The following INPP4B variants were observed in gnomAD, a reference collection of about 807,000 sequenced individuals.
INPP4B encodes inositol polyphosphate-4-phosphatase type II B.
Under a neutral mutation model 122.5 loss-of-function variants are expected in INPP4B, and 55 were observed. That is an observed-to-expected ratio of 0.45 (90% confidence interval 0.36 to 0.56). INPP4B has a LOEUF of 0.56. Ranked by LOEUF, INPP4B falls within the 20% of genes least tolerant of loss-of-function variation. The probability of loss-of-function intolerance (pLI) is 0.00; values close to 1 mark genes in which losing one functional copy is unlikely to be tolerated. For missense variants in INPP4B, 1,000 were observed against 1,097.7 expected (o/e 0.91, Z 1.26); for synonymous variants, 403 against 388.7 (o/e 1.04, Z -0.43).
intron 16 of INPP4B, among the ~76,000 whole-genome samples, chr4:142,167,409 G>A (rs998541763): frequency 6.6e-6 from 1 of 151,824 alleles, no homozygotes; most frequent in Non-Finnish European, 1.5e-5. Flanking sequence ...GTATGGTAGG[G>A]AGGGAGAGTA....
rs763766502 is a variant in INPP4B, at chr4:142,450,985, A to C, written c.-127+11678T>G. Reference sequence around the variant, plus strand: ...ATTCTTAAAATTAACTCCCCCCCCCAAAAAAAGTATAACCTATCAATGTAG... The same window carrying C: ...ATTCTTAAAATTAACTCCCCCCCCCCAAAAAAGTATAACCTATCAATGTAG... On this transcript the variant is annotated intron_variant, in intron 3 of 25. Transcript: ENST00000262992. 7.3e-4 allele frequency among the ~76,000 whole-genome samples: 93 copies of C among 127,732 alleles called. 1 individual carries two copies. Among genetic ancestry groups the C allele is most frequent in the Non-Finnish European group, 8.7e-4 (55 of 63,004 alleles). The allele number at this position is 127,732 out of a possible 152,430, so 83.8% of individuals were successfully genotyped here.
chr4:142,671,456 A>T (rs958982388), intron 2 of INPP4B, among the ~76,000 whole-genome samples: 7 of 152,054 alleles, frequency 4.6e-5, no homozygotes, highest in Non-Finnish European at 8.8e-5. Flanking sequence ...TTGCTCTTAC[A>T]ATGCTTTTTC....
intron 25 of INPP4B, among the ~76,000 whole-genome samples, chr4:142,068,636 G>T (rs1049374334): frequency 1.3e-5 from 2 of 152,078 alleles, no homozygotes; most frequent in African/African-American, 2.4e-5. Context: ...GATGGAGAAA[G>T]ATCTACCAAG....
At chr4:142,777,368 G>A (rs544591960) in intron 1 of INPP4B, among the ~76,000 whole-genome samples, 1 of 152,288 alleles carries the variant, frequency 6.6e-6, no homozygotes, top group South Asian at 2.1e-4. Context: ...AACTGCCTAT[G>A]GAGAGAGGAG....
intron 25 of INPP4B, among the ~76,000 whole-genome samples, chr4:142,067,928 C>G (rs1764577466): frequency 6.6e-6 from 1 of 152,130 alleles, no homozygotes; most frequent in South Asian, 2.1e-4. Context: ...TCCAGGAGAA[C>G]TTCCCCAACA....
chr4:142,840,179 C>G (rs967598864), intron 1 of INPP4B, among the ~76,000 whole-genome samples: 3 of 152,074 alleles, frequency 2.0e-5, no homozygotes, highest in Non-Finnish European at 4.4e-5. Context: ...GTGACCGGGT[C>G]ATCACTATAA....
At chr4:142,770,489 G>T (rs1772879495) in intron 1 of INPP4B, among the ~76,000 whole-genome samples, 2 of 152,022 alleles carry the variant, frequency 1.3e-5, no homozygotes, top group South Asian at 4.2e-4. Context: ...ACTGGCACCA[G>T]GAGCATCAAA....
intron 2 of INPP4B, among the ~76,000 whole-genome samples, chr4:142,723,017 T>C (rs1229885733): frequency 1.9e-5 from 2 of 102,786 alleles, no homozygotes; most frequent in Non-Finnish European, 4.0e-5. Context: ...ATCACATCTG[T>C]ATCATTTCCT....
chr4:142,412,216 A>C (rs1035182763), intron 5 of INPP4B, among the ~76,000 whole-genome samples: 5 of 152,330 alleles, frequency 3.3e-5, no homozygotes, highest in African/African-American at 1.2e-4. Flanking sequence ...CAGTGATTAC[A>C]TCTAGATTAA....
At chr4:142,836,535 G>A (rs1318360985) in intron 1 of INPP4B, among the ~76,000 whole-genome samples, 2 of 151,850 alleles carry the variant, frequency 1.3e-5, no homozygotes, top group African/African-American at 2.4e-5. Context: ...TTGGAAAAAC[G>A]CTTAACTATT....
chr4:142,367,212 G>A (rs1787875333), intron 7 of INPP4B, among the ~76,000 whole-genome samples: 1 of 151,770 alleles, frequency 6.6e-6, no homozygotes, highest in African/African-American at 2.4e-5. Context: ...GTGTGTGTGT[G>A]TGTGTGTGTG....
chr4:142,263,639 AATATATATATATATAT>A lies in INPP4B; in HGVS notation c.616-3091_616-3076del, dbSNP rs36227189. ...GACCACAAATGAGATAAATTCGTAAAATATATATATATATATATATATATATATATATATATATATA... is the reference window on the plus strand; with the variant it reads ...GACCACAAATGAGATAAATTCGTAAAATATATATATATATATATATATATA... On this transcript the variant is annotated intron_variant, in intron 10 of 25. Coordinates refer to ENST00000262992, the MANE Select transcript of INPP4B (RefSeq NM_001101669.3). Among the ~76,000 whole-genome samples the A allele has an allele frequency of 2.1e-3, 86 of 41,836 alleles. 2 individuals are homozygous for A. The highest frequency in any genetic ancestry group is 6.1e-3 in the Admixed American group (26 of 4,248). The allele number at this position is 41,836 out of a possible 152,430, so 27.4% of individuals were successfully genotyped here.
At chr4:142,225,297 C>G (rs1260894082) in intron 12 of INPP4B, among the ~76,000 whole-genome samples, 2 of 152,046 alleles carry the variant, frequency 1.3e-5, no homozygotes, top group Admixed American at 6.6e-5. Flanking sequence ...GCTCTCTGGC[C>G]TTTGGCCACA....
chr4:142,451,361 C>T (rs2149511178), intron 3 of INPP4B, among the ~76,000 whole-genome samples: 1 of 150,872 alleles, frequency 6.6e-6, no homozygotes, highest in East Asian at 2.0e-4. Context: ...AGCAATTCTC[C>T]TGCCTCAGCC....
At position 142,701,753 on chromosome 4, in the gene INPP4B, C is replaced by T. The variant is rs572833351; in HGVS notation, c.-191+24086G>A. Among the ~76,000 whole-genome samples, 89 of 152,140 alleles carry T rather than the reference C, an allele frequency of 5.8e-4. 1 individual carries two copies. The highest frequency in any genetic ancestry group is 1.9e-3 in the South Asian group (9 of 4,816). On this transcript the variant is annotated intron_variant, in intron 2 of 25. Coordinates refer to ENST00000262992, the MANE Select transcript of INPP4B (RefSeq NM_001101669.3). ...GAGGACACAGTCGACTATGGAGAGCCTGAAAATCTGGTACTGTAGGTGATA... is the reference window on the plus strand; with the variant it reads ...GAGGACACAGTCGACTATGGAGAGCTTGAAAATCTGGTACTGTAGGTGATA...
chr4:142,330,282 T>C (rs1346891083), intron 7 of INPP4B, among the ~76,000 whole-genome samples: 1 of 152,216 alleles, frequency 6.6e-6, no homozygotes, highest in Non-Finnish European at 1.5e-5. Flanking sequence ...AAGAGGCCTA[T>C]TAACAGGAAT....
rs552731452 is a variant in INPP4B, at chr4:142,499,912, T to C, written c.-190-37186A>G. ...TGCAATCTGATCAAAACCCTATCACTATCACTCCGTAATACAACCGTCGCT... is the reference window on the plus strand; with the variant it reads ...TGCAATCTGATCAAAACCCTATCACCATCACTCCGTAATACAACCGTCGCT... On this transcript the variant is annotated intron_variant, in intron 2 of 25. Transcript: ENST00000262992. Among the ~76,000 whole-genome samples the C allele has an allele frequency of 3.6e-4, 55 of 152,228 alleles. 1 individual carries two copies. In the South Asian group the frequency reaches 0.011, roughly 31 times the overall value.
At chr4:142,144,351 T>C (rs1010211266) in intron 18 of INPP4B, among the ~76,000 whole-genome samples, 5 of 151,914 alleles carry the variant, frequency 3.3e-5, no homozygotes, top group Non-Finnish European at 7.4e-5. Flanking sequence ...CAAAATCCAG[T>C]GTCCCTTATC....
intron 9 of INPP4B, among the ~76,000 whole-genome samples, chr4:142,298,396 A>G (rs913536541): frequency 6.6e-6 from 1 of 152,096 alleles, no homozygotes; most frequent in Non-Finnish European, 1.5e-5. Flanking sequence ...CTCTAAAATA[A>G]TTTGATCAGG....
Sources: allele counts gnomAD v4.1 joint callset (sites outside exome capture counted in the v4.1 genomes callset), GRCh38; gene constraint gnomAD v4.1.1; transcripts MANE v1.5; gene names NCBI Gene and HGNC (gene_info 2026-07-23, HGNC 2026-07-21).